The following CYSLTR2 variants were observed in gnomAD, a reference collection of about 807,000 sequenced individuals.
The protein encoded by CYSLTR2 is cysteinyl leukotriene receptor 2, also known as G-protein coupled receptor GPCR21.
For missense variants in CYSLTR2, 398 were observed against 411.9 expected (o/e 0.97, Z 0.29); for synonymous variants, 179 against 160.8 (o/e 1.11, Z -0.86).
At position 48,674,567 on chromosome 13, in the gene CYSLTR2, T is replaced by A. The variant is rs190047397; in HGVS notation, c.-265-16645T>A. Among the ~76,000 whole-genome samples, 501 of 152,342 alleles carry A rather than the reference T, an allele frequency of 3.3e-3. 3 individuals are homozygous for A. Among genetic ancestry groups the A allele is most frequent in the African/African-American group, 0.011 (474 of 41,582 alleles). ...AGATTTCTTGCATTGGGCTAGAACA[T>A]GATCCTTTAGCTAGGAGGAGTTTGT... On this transcript the variant is annotated intron_variant, in intron 1 of 4. Coordinates refer to ENST00000682523, the MANE Select transcript of CYSLTR2 (RefSeq NM_001308476.3).
intron 1 of CYSLTR2, among the ~76,000 whole-genome samples, chr13:48,667,331 G>C (rs908644193): frequency 1.3e-5 from 2 of 152,210 alleles, no homozygotes; most frequent in Non-Finnish European, 2.9e-5. Context: ...TAAGGCCATG[G>C]GGCTGTTACC....
At chr13:48,664,560 A>G (rs1388481945) in intron 1 of CYSLTR2, among the ~76,000 whole-genome samples, 1 of 151,904 alleles carries the variant, frequency 6.6e-6, no homozygotes, top group Non-Finnish European at 1.5e-5. Flanking sequence ...GGTAGGTTGT[A>G]TGTGTCTAGG....
At chr13:48,663,988 T>C (rs901157782) in intron 1 of CYSLTR2, among the ~76,000 whole-genome samples, 27 of 152,070 alleles carry the variant, frequency 1.8e-4, no homozygotes, top group Admixed American at 5.9e-4. Context: ...TTTGTTATAT[T>C]GAAGTACTTT....
chr13:48,707,950 A>G lies in CYSLTR2; in HGVS notation c.*92A>G. On this transcript the variant is annotated 3_prime_UTR_variant, in exon 5 of 5. Transcript: ENST00000682523. Reference sequence around the variant, plus strand: ...TGACTTTGTATTTACATCACTCCCAACAAATGTTGATTCTTAATATTTAGT... The same window carrying G: ...TGACTTTGTATTTACATCACTCCCAGCAAATGTTGATTCTTAATATTTAGT... The G allele has an allele frequency of 9.5e-7, 1 of 1,047,300 alleles. No individual in the cohort carries two copies. The highest frequency in any genetic ancestry group is 3.0e-5 in the Admixed American group (1 of 33,210). 64.9% of individuals were successfully genotyped at this position (1,047,300 alleles called of 1,614,324 possible). A position where few individuals can be genotyped will look rare whatever the true frequency, so the allele number is the denominator to read the frequency against.
chr13:48,677,114 C>T (rs1211357898), intron 1 of CYSLTR2, among the ~76,000 whole-genome samples: 1 of 152,030 alleles, frequency 6.6e-6, no homozygotes, highest in Admixed American at 6.6e-5. Flanking sequence ...ACCATGAGGC[C>T]TCAGGGCTAC....
intron 1 of CYSLTR2, among the ~76,000 whole-genome samples, chr13:48,665,711 T>A (rs555640317): frequency 6.6e-6 from 1 of 152,220 alleles, no homozygotes; most frequent in African/African-American, 2.4e-5. Flanking sequence ...ACAGGTTAGG[T>A]GATTTTCTTA....
chr13:48,654,241 G>A (rs994922771), intron 1 of CYSLTR2, among the ~76,000 whole-genome samples: 1 of 148,542 alleles, frequency 6.7e-6, no homozygotes, highest in South Asian at 2.1e-4. Context: ...ATATTTTGGG[G>A]ATCGTCCCTT....
chr13:48,671,673 G>A (rs1953434794), intron 1 of CYSLTR2, among the ~76,000 whole-genome samples: 1 of 152,134 alleles, frequency 6.6e-6, no homozygotes, highest in African/African-American at 2.4e-5. Flanking sequence ...GCTGAAGTTG[G>A]TTTGCCAGTG....
At chr13:48,680,806 T>TTTC in intron 1 of CYSLTR2, among the ~76,000 whole-genome samples, 1 of 94,508 alleles carries the variant, frequency 1.1e-5, no homozygotes, top group South Asian at 4.2e-4. Context: ...TTTTCTTTTT[T>TTTC]TTTTTTTTTT....
Position 48,707,719 on chromosome 13 carries a change from A to C in CYSLTR2, c.902A>C (p.Asn301Thr). ...TTGGCAGCAGCCAATGCCTGCTTCAATCCTCTGCTCTATTACTTTGCTGGG... is the reference window on the plus strand; with the variant it reads ...TTGGCAGCAGCCAATGCCTGCTTCACTCCTCTGCTCTATTACTTTGCTGGG... ...LALAAANACF[N>T]PLLYYFAGEN... Residue 301 changes from asparagine (N) to threonine (T), a missense_variant, in exon 5 of 5, where the codon AAT (asparagine) becomes ACT (threonine). By Grantham distance (65) the Asn-to-Thr change is moderately conservative. Coordinates refer to ENST00000682523, the MANE Select transcript of CYSLTR2 (RefSeq NM_001308476.3). The C allele has an allele frequency of 6.2e-7, 1 of 1,613,044 alleles. No homozygotes were observed. Among genetic ancestry groups the C allele is most frequent in the Non-Finnish European group, 8.5e-7 (1 of 1,179,202 alleles).
At chr13:48,671,887 GC>G (rs1953440541) in intron 1 of CYSLTR2, among the ~76,000 whole-genome samples, 1 of 151,672 alleles carries the variant, frequency 6.6e-6, no homozygotes, top group African/African-American at 2.4e-5. Flanking sequence ...GTAGAATTTG[GC>G]TTAGAATCCA....
chr13:48,708,062 G>A lies in CYSLTR2; in HGVS notation c.*204G>A, dbSNP rs566145899. 4.3e-5 allele frequency: 19 copies of A among 445,856 alleles called. No individual in the cohort carries two copies. In the Admixed American group the frequency reaches 4.7e-4, roughly 11 times the overall value. 27.6% of individuals were successfully genotyped at this position (445,856 alleles called of 1,614,324 possible). On this transcript the variant is annotated 3_prime_UTR_variant, in exon 5 of 5. Transcript: ENST00000682523. ...TTGAGTCTTAATGAGGGATACAGGA[G>A]GAAAAATCCCTACTAGAGTCCTGTG... is the stretch of plus-strand genomic sequence containing the variant.
chr13:48,696,405 G>A (rs764858367), intron 3 of CYSLTR2, 121 bp from the exon 4 acceptor site: 1 of 152,108 alleles, frequency 6.6e-6, no homozygotes, highest in Non-Finnish European at 1.5e-5. Flanking sequence ...ATCTTGACAA[G>A]CTCCAATTTA....
At chr13:48,672,298 A>G (rs1001429541) in intron 1 of CYSLTR2, among the ~76,000 whole-genome samples, 8 of 151,842 alleles carry the variant, frequency 5.3e-5, no homozygotes, top group Admixed American at 4.6e-4. Context: ...CTCTGATCTT[A>G]GTTATTTCTT....
At chr13:48,702,151 A>G (rs1298130588) in intron 4 of CYSLTR2, among the ~76,000 whole-genome samples, 2 of 151,450 alleles carry the variant, frequency 1.3e-5, no homozygotes, top group Admixed American at 1.3e-4. Context: ...TGAGCAAACT[A>G]TCGCAAGGAC....
intron 1 of CYSLTR2, among the ~76,000 whole-genome samples, chr13:48,654,244 C>T (rs905987249): frequency 5.0e-5 from 7 of 140,914 alleles, no homozygotes; most frequent in African/African-American, 1.3e-4. Context: ...TTTTGGGGAT[C>T]GTCCCTTTGT....
In CYSLTR2 at chr13:48,707,388, A is replaced by C; in HGVS notation, c.571A>C (p.Asn191His). Residue 191 changes from asparagine (N) to histidine (H), a missense_variant, in exon 5 of 5, where the codon AAT becomes CAT. Asn to His is a moderately conservative substitution (Grantham distance 68). Coordinates refer to ENST00000682523, the MANE Select transcript of CYSLTR2 (RefSeq NM_001308476.3). ...CAGTGTCACATCATGCTTAGAGCTG[A>C]ATCTCTATAAAATTGCTAAGCTGCA... ...NGSVTSCLEL[N>H]LYKIAKLQTM... 1.2e-6 allele frequency: 2 copies of C among 1,614,072 alleles called. No individual in the cohort carries two copies. Among genetic ancestry groups the C allele is most frequent in the Non-Finnish European group, 1.7e-6 (2 of 1,180,012 alleles).
chr13:48,675,809 G>A (rs376677619), intron 1 of CYSLTR2, among the ~76,000 whole-genome samples: 5 of 152,252 alleles, frequency 3.3e-5, no homozygotes, highest in African/African-American at 1.2e-4. Flanking sequence ...TAGTCCGCAG[G>A]TTGCAAAAAC....
At chr13:48,686,117 A>G (rs1953889258) in intron 1 of CYSLTR2, among the ~76,000 whole-genome samples, 1 of 152,174 alleles carries the variant, frequency 6.6e-6, no homozygotes, top group Admixed American at 6.5e-5. Flanking sequence ...GACATCATTT[A>G]CATGCCAACC....
Sources: gnomAD v4.1 joint callset for allele counts (sites outside exome capture counted in the v4.1 genomes callset) on GRCh38, gnomAD v4.1.1 for gene constraint, MANE v1.5 for transcripts, NCBI Gene and HGNC (gene_info 2026-07-23, HGNC 2026-07-21) for gene names.